MYOM1: variants seen among roughly 807,000 people sequenced by gnomAD.
MYOM1 encodes the protein myomesin 1.
MYOM1 carries 164 observed loss-of-function variants against 205.3 expected under a neutral mutation model. The ratio of observed to expected loss-of-function variants is 0.80; its 90% CI spans 0.70 to 0.91. MYOM1 has a LOEUF of 0.91. MYOM1 is among the 40% of genes least tolerant of loss of function. The pLI, the probability that MYOM1 is intolerant of heterozygous loss-of-function variation, is 0.00. For missense variants in MYOM1, 2,011 were observed against 2,127.3 expected, an observed-to-expected ratio of 0.95 and a Z score of 1.08; for synonymous variants, 772 against 789.4, an observed-to-expected ratio of 0.98 and a Z score of 0.37.
intron 8 of MYOM1, among the ~76,000 whole-genome samples, chr18:3,170,173 G>A (rs2080536001): frequency 1.3e-5 from 2 of 152,150 alleles, no homozygotes; most frequent in African/African-American, 2.4e-5. Flanking sequence ...ATAAAGAAGG[G>A]TTAGTTAATG....
At chr18:3,142,638 G>A in intron 13 of MYOM1, among the ~76,000 whole-genome samples, 1 of 151,986 alleles carries the variant, frequency 6.6e-6, no homozygotes, top group East Asian at 1.9e-4. Context: ...TAGTTCTGAG[G>A]CCAGGTCAGG....
intron 2 of MYOM1, among the ~76,000 whole-genome samples, chr18:3,203,290 G>T (rs1256089229): frequency 1.3e-5 from 2 of 150,472 alleles, no homozygotes; most frequent in Non-Finnish European, 3.0e-5. Flanking sequence ...ATGAAGACTA[G>T]AGGGGAAATA....
chr18:3,143,308 A>G (rs903142143), intron 13 of MYOM1, among the ~76,000 whole-genome samples: 1 of 152,174 alleles, frequency 6.6e-6, no homozygotes, highest in Admixed American at 6.5e-5. Context: ...TGAAGGTAAA[A>G]TAGAGGATTT....
At chr18:3,199,490 T>G (rs1344744815) in intron 2 of MYOM1, among the ~76,000 whole-genome samples, 4 of 152,218 alleles carry the variant, frequency 2.6e-5, no homozygotes, top group African/African-American at 9.7e-5. Context: ...CCTGTGCACA[T>G]GTGCAGAGGA....
At chr18:3,095,137 G>C (rs1283415019) in intron 25 of MYOM1, among the ~76,000 whole-genome samples, 2 of 152,180 alleles carry the variant, frequency 1.3e-5, no homozygotes, top group Non-Finnish European at 2.9e-5. Flanking sequence ...AGGACTGAGA[G>C]GGGGCTCAGA....
intron 5 of MYOM1, among the ~76,000 whole-genome samples, chr18:3,186,818 AAGAAAG>A (rs756375497): frequency 2.8e-4 from 42 of 150,306 alleles, no homozygotes; most frequent in African/African-American, 6.9e-4. Context: ...GAAAGAAAGA[AAGAAAG>A]AGAAAGAAAG....
At position 3,174,175 on chromosome 18, in the gene MYOM1, G is replaced by A. The variant is rs995381464; in HGVS notation, c.1056C>T (p.Ala352=). 7 of 1,613,982 alleles carry A rather than the reference G, an allele frequency of 4.3e-6. No individual in the cohort carries two copies. The highest frequency in any genetic ancestry group is 5.9e-6 in the Non-Finnish European group (7 of 1,179,886). Reference sequence around the variant, plus strand: ...GCTCTCCTTTAACATTCATCGCCGAGGCCCGGTACTGAGCTGTATCTTCAA... The same window carrying A: ...GCTCTCCTTTAACATTCATCGCCGAAGCCCGGTACTGAGCTGTATCTTCAA... The part of the protein sequence containing the change: ...CDFEDTAQYR[A]SAMNVKGELS... Residue 352 remains alanine (A), a synonymous_variant, in exon 7 of 38, where the codon GCC becomes GCT. Transcript: ENST00000356443.
At chr18:3,201,895 C>T (rs1041359411) in intron 2 of MYOM1, among the ~76,000 whole-genome samples, 9 of 152,006 alleles carry the variant, frequency 5.9e-5, no homozygotes, top group Admixed American at 1.3e-4. Flanking sequence ...TCACCCACCT[C>T]GGCCTCTGAA....
intron 26 of MYOM1, among the ~76,000 whole-genome samples, chr18:3,091,368 A>T (rs931607841): frequency 6.6e-6 from 1 of 151,888 alleles, no homozygotes; most frequent in Non-Finnish European, 1.5e-5. Context: ...TGCACCTTTA[A>T]TCCCAGCCAC....
At chr18:3,124,883 T>C (rs1471545420) in intron 19 of MYOM1, among the ~76,000 whole-genome samples, 1 of 152,154 alleles carries the variant, frequency 6.6e-6, no homozygotes, top group Non-Finnish European at 1.5e-5. Context: ...TACAATGAAT[T>C]TGACATTAAA....
At chr18:3,197,644 C>T (rs573650250) in intron 2 of MYOM1, among the ~76,000 whole-genome samples, 37 of 151,940 alleles carry the variant, frequency 2.4e-4, no homozygotes, top group South Asian at 6.3e-4. Context: ...GAGGCCAAGG[C>T]GGGCGGATCA....
At chr18:3,128,136 G>A (rs144469873) in intron 18 of MYOM1, among the ~76,000 whole-genome samples, 4 of 152,212 alleles carry the variant, frequency 2.6e-5, no homozygotes, top group East Asian at 3.9e-4. Context: ...AAGAATGAAG[G>A]CTTTTAAAAT....
intron 27 of MYOM1, 88 bp downstream of exon 27, chr18:3,090,570 C>G (rs555772783): frequency 2.0e-6 from 3 of 1,522,980 alleles, no homozygotes; most frequent in Non-Finnish European, 2.7e-6. Flanking sequence ...ATTCCTACTA[C>G]CTTTCAAATA....
At chr18:3,145,273 G>A (rs1481917904) in intron 13 of MYOM1, among the ~76,000 whole-genome samples, 2 of 149,784 alleles carry the variant, frequency 1.3e-5, no homozygotes, top group Admixed American at 6.7e-5. Context: ...TTGAGCTGCT[G>A]CACTCCAGCC....
chr18:3,137,666 G>T (rs999014685), intron 14 of MYOM1, among the ~76,000 whole-genome samples: 2 of 152,148 alleles, frequency 1.3e-5, no homozygotes, highest in African/African-American at 4.8e-5. Flanking sequence ...GGCTGGGAAG[G>T]GTTGGGGGTG....
intron 36 of MYOM1, among the ~76,000 whole-genome samples, chr18:3,072,402 G>A (rs1360189920): frequency 3.8e-5 from 5 of 131,284 alleles, no homozygotes; most frequent in African/African-American, 1.6e-4. Context: ...CACCCAGGGT[G>A]GAATGCAGTG....
chr18:3,192,515 G>A (rs2080925425), intron 3 of MYOM1, among the ~76,000 whole-genome samples: 1 of 152,230 alleles, frequency 6.6e-6, no homozygotes, highest in Admixed American at 6.5e-5. Flanking sequence ...AACAGAAGTA[G>A]GTCACCATCA....
At chr18:3,245,579 T>C in the MYOM1 span, among the ~76,000 whole-genome samples, 2 of 152,126 alleles carry the variant, frequency 1.3e-5, no homozygotes, top group African/African-American at 2.4e-5. Context: ...ATGCTATTTT[T>C]CCACATTGGT....
intron 37 of MYOM1, among the ~76,000 whole-genome samples, chr18:3,071,493 G>T (rs1439256469): frequency 1.3e-5 from 2 of 152,012 alleles, no homozygotes; most frequent in Non-Finnish European, 2.9e-5. Flanking sequence ...CAAATAGCTG[G>T]GATTACAGGC....
Sources: allele counts gnomAD v4.1 joint callset (sites outside exome capture counted in the v4.1 genomes callset), GRCh38; gene constraint gnomAD v4.1.1; transcripts MANE v1.5; gene names NCBI Gene and HGNC (gene_info 2026-07-23, HGNC 2026-07-21).